Variants in RABL3 observed in about 807,000 individuals in gnomAD.
RABL3 encodes the protein rab-like protein 3.
In RABL3, 31 loss-of-function variants were observed where a neutral mutation model predicts 31.8. The observed-to-expected ratio is 0.97, with a 90% CI of 0.73 to 1.31. The LOEUF is 1.31. Among genes scored for constraint, RABL3 ranks in the 40% most tolerant of loss-of-function variants. RABL3 has a pLI of 0.00. For missense variants in RABL3, 263 were observed against 279.6 expected, an observed-to-expected ratio of 0.94 and a Z score of 0.42; for synonymous variants, 97 against 99.9, an observed-to-expected ratio of 0.97 and a Z score of 0.18.
chr3:120,731,385 G>T (rs555849703), intron 1 of RABL3, among the ~76,000 whole-genome samples: 9 of 152,268 alleles, frequency 5.9e-5, no homozygotes, highest in African/African-American at 2.2e-4. Flanking sequence ...TTTAAAAAAA[G>T]CAGCCAACCA....
intron 2 of RABL3, among the ~76,000 whole-genome samples, chr3:120,715,904 T>TA (rs1384209035): frequency 6.6e-6 from 1 of 152,198 alleles, no homozygotes; most frequent in Non-Finnish European, 1.5e-5. Flanking sequence ...GCTTCCACGC[T>TA]AAATGAATAG....
chr3:120,720,651 A>C (rs905403467), intron 2 of RABL3, among the ~76,000 whole-genome samples: 9 of 152,222 alleles, frequency 5.9e-5, no homozygotes, highest in African/African-American at 1.9e-4. Flanking sequence ...AATAAAAAGA[A>C]AGGAACAAAG....
At chr3:120,739,822 C>T (rs1709020402) in intron 1 of RABL3, among the ~76,000 whole-genome samples, 1 of 152,138 alleles carries the variant, frequency 6.6e-6, no homozygotes, top group Admixed American at 6.5e-5. Context: ...TGATGCAACA[C>T]TTGAGGCCTA....
At chr3:120,717,714 C>T (rs1041831392) in intron 2 of RABL3, among the ~76,000 whole-genome samples, 5 of 152,278 alleles carry the variant, frequency 3.3e-5, no homozygotes, top group East Asian at 1.9e-4. Context: ...CGTGATCCAC[C>T]GACCTTGACC....
chr3:120,742,366 C>T (rs1157357399), intron 1 of RABL3, 96 bp downstream of exon 1: 3 of 1,180,726 alleles, frequency 2.5e-6, no homozygotes, highest in Non-Finnish European at 1.3e-6. Context: ...CAGCCACGGG[C>T]CGAGGAGCCA....
At chr3:120,729,682 T>C (rs1019616015) in intron 2 of RABL3, among the ~76,000 whole-genome samples, 1 of 152,064 alleles carries the variant, frequency 6.6e-6, no homozygotes, top group African/African-American at 2.4e-5. Flanking sequence ...TGTATAGATA[T>C]ATTAAAAAGC....
chr3:120,723,938 G>A (rs1196249907), intron 2 of RABL3, among the ~76,000 whole-genome samples: 1 of 152,080 alleles, frequency 6.6e-6, no homozygotes, highest in Non-Finnish European at 1.5e-5. Flanking sequence ...AGTGTTGGAA[G>A]TTCTGGCCAG....
chr3:120,727,637 T>C (rs1708838084), intron 2 of RABL3, among the ~76,000 whole-genome samples: 1 of 152,088 alleles, frequency 6.6e-6, no homozygotes, highest in Non-Finnish European at 1.5e-5. Flanking sequence ...CACAATGAGA[T>C]TACAAGAAAA....
intron 3 of RABL3, among the ~76,000 whole-genome samples, chr3:120,708,545 A>G (rs1388858204): frequency 2.6e-5 from 4 of 152,036 alleles, no homozygotes; most frequent in African/African-American, 9.7e-5. Flanking sequence ...AGATATCTTA[A>G]TTTGACAAGT....
At chr3:120,723,855 A>G (rs535813161) in intron 2 of RABL3, among the ~76,000 whole-genome samples, 1 of 152,208 alleles carries the variant, frequency 6.6e-6, no homozygotes, top group African/African-American at 2.4e-5. Context: ...CTGAATGGGC[A>G]AAAACTGGAA....
intron 2 of RABL3, among the ~76,000 whole-genome samples, chr3:120,723,732 T>C (rs1245242963): frequency 1.3e-5 from 2 of 152,144 alleles, no homozygotes; most frequent in East Asian, 1.9e-4. Context: ...GAAAAAACCT[T>C]TGACAAAATT....
intron 4 of RABL3, among the ~76,000 whole-genome samples, chr3:120,701,807 G>T (rs1458008218): frequency 1.3e-5 from 2 of 152,128 alleles, no homozygotes; most frequent in Non-Finnish European, 2.9e-5. Flanking sequence ...ATAGAAAATG[G>T]GGTTCTGTTC....
Position 120,730,805 on chromosome 3 carries a change from A to G in RABL3, c.47-18T>C, listed in dbSNP as rs1708874271. The stretch of plus-strand genomic sequence containing the variant: ...CCCAACACCTGTAAGAGATACAAGA[A>G]CTCTAGTCACATAAGAGACAAGGCT... On this transcript the variant is annotated intron_variant, in intron 1 of 7. Transcript: ENST00000273375. 1 of 1,525,902 alleles carries G rather than the reference A, an allele frequency of 6.6e-7. No homozygotes were observed. The highest frequency in any genetic ancestry group is 1.1e-5 in the South Asian group (1 of 89,312). The allele number at this position is 1,525,902 out of a possible 1,614,324, so 94.5% of individuals were successfully genotyped here.
At chr3:120,726,725 C>A (rs1359394250) in intron 2 of RABL3, among the ~76,000 whole-genome samples, 7 of 151,856 alleles carry the variant, frequency 4.6e-5, no homozygotes. Context: ...GCCGGAGCAA[C>A]AGAGTGGGAC....
chr3:120,694,618 T>A (rs753927662), intron 5 of RABL3, among the ~76,000 whole-genome samples: 7 of 152,048 alleles, frequency 4.6e-5, no homozygotes, highest in Non-Finnish European at 7.4e-5. Context: ...TACTAGTTAA[T>A]CACCAGTGCT....
chr3:120,739,678 C>CA (rs1358545014), intron 1 of RABL3, among the ~76,000 whole-genome samples: 2 of 152,052 alleles, frequency 1.3e-5, no homozygotes, highest in Non-Finnish European at 2.9e-5. Context: ...TTTAAATACT[C>CA]AAAATTATAT....
At position 120,736,931 on chromosome 3, in the gene RABL3, G is replaced by A. The variant is rs572300880; in HGVS notation, c.46+5531C>T. On this transcript the variant is annotated intron_variant, in intron 1 of 7. Transcript: ENST00000273375. The stretch of plus-strand genomic sequence containing the variant: ...ATGGGCTTCCCTTTGTGGGTAACCT[G>A]ACTTTTCTCTCTGGCTGCCCTTAAC... Among the ~76,000 whole-genome samples, 7 of 152,332 alleles carry A rather than the reference G, an allele frequency of 4.6e-5. No homozygotes were observed. The South Asian group carries it at 1.4e-3, about 32-fold the overall frequency.
intron 2 of RABL3, 36 bp from the exon 3 acceptor site, chr3:120,709,945 C>A: frequency 6.6e-7 from 1 of 1,516,744 alleles, no homozygotes; most frequent in South Asian, 1.2e-5. Context: ...TTAATATAGC[C>A]ACTAAACAAA....
intron 1 of RABL3, among the ~76,000 whole-genome samples, chr3:120,735,336 G>T: frequency 6.6e-6 from 1 of 152,186 alleles, no homozygotes; most frequent in Non-Finnish European, 1.5e-5. Flanking sequence ...TTGCGTAGAG[G>T]TGTTTTTAGT....
Sources: gnomAD v4.1 joint callset for allele counts (sites outside exome capture counted in the v4.1 genomes callset) on GRCh38, gnomAD v4.1.1 for gene constraint, MANE v1.5 for transcripts, NCBI Gene and HGNC (gene_info 2026-07-23, HGNC 2026-07-21) for gene names.